The following GPR39 variants were observed in gnomAD, a reference collection of about 807,000 sequenced individuals.
GPR39 encodes the protein zinc sensing receptor.
In GPR39, 23 loss-of-function variants were observed where a neutral mutation model predicts 18.4. The observed-to-expected ratio is 1.25, with a 90% CI of 0.90 to 1.77. The LOEUF is 1.77. GPR39 is among the 40% of genes most tolerant of loss of function. The pLI, the probability that GPR39 is intolerant of heterozygous loss-of-function variation, is 0.00. For synonymous variants in GPR39, 280 were observed against 257.9 expected (o/e 1.09, Z -0.82); for missense variants, 647 against 602.4 (o/e 1.07, Z -0.78).
intron 1 of GPR39, among the ~76,000 whole-genome samples, chr2:132,470,584 G>A (rs1681011026): frequency 6.6e-6 from 1 of 152,142 alleles, no homozygotes; most frequent in Non-Finnish European, 1.5e-5. Flanking sequence ...TGAGTAAAGG[G>A]TGAGCCATTG....
intron 1 of GPR39, among the ~76,000 whole-genome samples, chr2:132,543,233 A>G (rs1164363019): frequency 6.6e-6 from 1 of 152,188 alleles, no homozygotes; most frequent in Non-Finnish European, 1.5e-5. Flanking sequence ...GTTGAATACC[A>G]GGGATTAAGG....
intron 1 of GPR39, among the ~76,000 whole-genome samples, chr2:132,459,116 C>A (rs1680787819): frequency 1.3e-5 from 2 of 152,164 alleles, no homozygotes; most frequent in Admixed American, 1.3e-4. Flanking sequence ...CAAAGAATAT[C>A]CTCTCTCTGT....
intron 1 of GPR39, among the ~76,000 whole-genome samples, chr2:132,521,836 T>G (rs1327424995): frequency 6.6e-6 from 1 of 152,224 alleles, no homozygotes; most frequent in East Asian, 1.9e-4. Flanking sequence ...ATGTACTGTG[T>G]CTTCATTCAT....
At chr2:132,428,797 G>A (rs186329321) in intron 1 of GPR39, among the ~76,000 whole-genome samples, 30 of 152,342 alleles carry the variant, frequency 2.0e-4, no homozygotes, top group African/African-American at 6.0e-4. Flanking sequence ...CACTTGTTGT[G>A]TAGTTGTAAC....
At chr2:132,626,569 T>C (rs1286747945) in intron 1 of GPR39, among the ~76,000 whole-genome samples, 1 of 152,158 alleles carries the variant, frequency 6.6e-6, no homozygotes, top group Non-Finnish European at 1.5e-5. Context: ...AAGGAAATGA[T>C]TGGGTTTCTC....
intron 1 of GPR39, among the ~76,000 whole-genome samples, chr2:132,449,235 T>TG (rs1680591141): frequency 1.2e-5 from 1 of 82,680 alleles, no homozygotes; most frequent in African/African-American, 3.6e-5. Flanking sequence ...CTTCGTGTTT[T>TG]TTTGTTTGTT....
In GPR39 at chr2:132,492,215, T is replaced by C. The variant is rs578205976; in HGVS notation, c.856+74317T>C. Among the ~76,000 whole-genome samples, 151 of 144,502 alleles carry C rather than the reference T, an allele frequency of 1.0e-3. 3 individuals are homozygous for C. Among genetic ancestry groups the C allele is most frequent in the African/African-American group, 3.5e-3 (138 of 39,272 alleles). 94.8% of individuals were successfully genotyped at this position (144,502 alleles called of 152,430 possible). On this transcript the variant is annotated intron_variant, in intron 1 of 1. Transcript: ENST00000329321. ...ACATACCATATATATACCATATATA[T>C]ACATACCATATATATACCATATATA...
chr2:132,547,534 G>A (rs1239821102), intron 1 of GPR39, among the ~76,000 whole-genome samples: 2 of 152,014 alleles, frequency 1.3e-5, no homozygotes, highest in Non-Finnish European at 1.5e-5. Flanking sequence ...TTAATCTTTC[G>A]GCTGCTTTGT....
At chr2:132,632,178 G>A (rs1018458732) in intron 1 of GPR39, among the ~76,000 whole-genome samples, 4 of 152,124 alleles carry the variant, frequency 2.6e-5, no homozygotes, top group African/African-American at 9.7e-5. Flanking sequence ...GGCAGTGGGG[G>A]TGGGGTGGAA....
At position 132,591,273 on chromosome 2, in the gene GPR39, AAAAAC is replaced by A. The variant is rs1196104182; in HGVS notation, c.857-53823_857-53819del. On this transcript the variant is annotated intron_variant, in intron 1 of 1. Transcript: ENST00000329321. ...ACTCCGTCTCAAAAAAAAAAAAAAA[AAAAAC>A]AAAAAAAAACAGAGGAACATTGTAG... 1.8e-4 allele frequency among the ~76,000 whole-genome samples: 22 copies of A among 123,268 alleles called. 1 individual carries two copies. Among genetic ancestry groups the A allele is most frequent in the South Asian group, 2.5e-4 (1 of 3,938 alleles). The allele number at this position is 123,268 out of a possible 152,430, so 80.9% of individuals were successfully genotyped here.
intron 1 of GPR39, among the ~76,000 whole-genome samples, chr2:132,468,686 A>G (rs1480257812): frequency 6.6e-6 from 1 of 152,200 alleles, no homozygotes; most frequent in African/African-American, 2.4e-5. Flanking sequence ...TGCTCTGGCC[A>G]TAGCTTACGT....
At chr2:132,552,822 G>GTA (rs1330415585) in intron 1 of GPR39, among the ~76,000 whole-genome samples, 42 of 118,710 alleles carry the variant, frequency 3.5e-4, no homozygotes, top group South Asian at 3.0e-4. Context: ...GTGTGTGTAT[G>GTA]TATATATATA....
intron 1 of GPR39, among the ~76,000 whole-genome samples, chr2:132,544,955 G>T (rs758320063): frequency 4.6e-5 from 7 of 152,176 alleles, no homozygotes; most frequent in African/African-American, 1.7e-4. Flanking sequence ...AACCAATTAG[G>T]GAATGGTAGA....
intron 1 of GPR39, among the ~76,000 whole-genome samples, chr2:132,446,086 C>A (rs550242751): frequency 6.6e-6 from 1 of 152,316 alleles, no homozygotes; most frequent in East Asian, 1.9e-4. Flanking sequence ...AGAGAAAGAA[C>A]TAGTTAGTAG....
At chr2:132,456,790 C>G (rs1250910163) in intron 1 of GPR39, among the ~76,000 whole-genome samples, 1 of 152,146 alleles carries the variant, frequency 6.6e-6, no homozygotes, top group Non-Finnish European at 1.5e-5. Flanking sequence ...TTTCTTTAAG[C>G]ATGTTGAATA....
chr2:132,634,100 G>C (rs959776365), intron 1 of GPR39, among the ~76,000 whole-genome samples: 3 of 151,820 alleles, frequency 2.0e-5, no homozygotes, highest in African/African-American at 7.3e-5. Context: ...TGGTGATGGA[G>C]GGTGATGATG....
At chr2:132,499,367 G>A (rs899936496) in intron 1 of GPR39, among the ~76,000 whole-genome samples, 2 of 152,118 alleles carry the variant, frequency 1.3e-5, no homozygotes, top group African/African-American at 4.8e-5. Flanking sequence ...TCAGTCGGCT[G>A]TAAGCATTTG....
At chr2:132,441,448 G>T (rs1183669251) in intron 1 of GPR39, among the ~76,000 whole-genome samples, 6 of 151,654 alleles carry the variant, frequency 4.0e-5, no homozygotes, top group African/African-American at 1.2e-4. Context: ...ACCATGGAAA[G>T]AACTGAAAAT....
intron 1 of GPR39, among the ~76,000 whole-genome samples, chr2:132,429,031 A>G (rs985216315): frequency 3.3e-5 from 5 of 152,292 alleles, no homozygotes; most frequent in Admixed American, 6.5e-5. Context: ...AGTTCTTCCT[A>G]TTGCCAATTC....
Sources: gnomAD v4.1 joint callset for allele counts (sites outside exome capture counted in the v4.1 genomes callset) on GRCh38, gnomAD v4.1.1 for gene constraint, MANE v1.5 for transcripts, NCBI Gene and HGNC (gene_info 2026-07-23, HGNC 2026-07-21) for gene names.